The following PAPLN variants were observed in gnomAD, a reference collection of about 807,000 sequenced individuals.
PAPLN encodes the protein papilin, proteoglycan like sulfated glycoprotein.
In PAPLN, 146 loss-of-function variants were observed where a neutral mutation model predicts 159.0. The ratio of observed to expected loss-of-function variants is 0.92; its 90% CI spans 0.80 to 1.05. The LOEUF (loss-of-function observed/expected upper bound fraction) is 1.05. PAPLN is among the 50% of genes least tolerant of loss of function. PAPLN has a pLI of 0.00. For missense variants in PAPLN, 1,720 were observed against 1,743.9 expected (o/e 0.99, Z 0.24); for synonymous variants, 734 against 702.9 (o/e 1.04, Z -0.70).
At chr14:73,256,896 AT>A (rs1423453547) in intron 14 of PAPLN, among the ~76,000 whole-genome samples, 1 of 149,430 alleles carries the variant, frequency 6.7e-6, no homozygotes, top group African/African-American at 2.4e-5. Context: ...AAATAAAAAG[AT>A]TAAAAAAAAA....
At chr14:73,269,736 C>G (rs1045272693) in intron 26 of PAPLN, among the ~76,000 whole-genome samples, 1 of 152,168 alleles carries the variant, frequency 6.6e-6, no homozygotes, top group African/African-American at 2.4e-5. Context: ...TCTCACAGGC[C>G]TGATACAGAC....
intron 6 of PAPLN, 54 bp from the exon 7 acceptor site, chr14:73,250,853 G>C (rs964120394): frequency 1.9e-6 from 3 of 1,550,474 alleles, no homozygotes; most frequent in African/African-American, 2.7e-5. Context: ...CGGGGCCCAA[G>C]GCCTGATGTG....
In PAPLN at chr14:73,265,993, C is replaced by T. The variant is rs1020534097; in HGVS notation, c.3263+486C>T. 3.9e-5 allele frequency among the ~76,000 whole-genome samples: 6 copies of T among 152,166 alleles called. No homozygotes were observed. The South Asian group carries it at 6.2e-4, about 16-fold the overall frequency. ...TATAGCAAAAACTAGAAACCCAAAC[C>T]GAAATTTTGTATCAGAAAACTTGAA... On this transcript the variant is annotated intron_variant, in intron 23 of 26. Coordinates refer to ENST00000644200, the MANE Select transcript of PAPLN (RefSeq NM_001365906.3). The surrounding 1 kb of genome is among the most constrained non-coding windows in gnomAD (Gnocchi z 4.1).
intron 5 of PAPLN, among the ~76,000 whole-genome samples, chr14:73,249,036 C>T (rs1884928207): frequency 6.6e-6 from 1 of 151,800 alleles, no homozygotes. Flanking sequence ...GAGACTGAGG[C>T]TGGAGGACCA....
chr14:73,255,097 C>T (rs1393315673), intron 14 of PAPLN, 79 bp downstream of exon 14: 7 of 1,513,308 alleles, frequency 4.6e-6, no homozygotes, highest in Non-Finnish European at 6.2e-6. Context: ...CATGTCCTGC[C>T]TCGGGGCCTC....
At position 73,264,609 on chromosome 14, in the gene PAPLN, C is replaced by G; in HGVS notation, c.3008C>G (p.Ser1003Cys). The G allele has an allele frequency of 6.2e-7, 1 of 1,603,298 alleles. No homozygotes were observed. Among genetic ancestry groups the G allele is most frequent in the Non-Finnish European group, 8.5e-7 (1 of 1,177,318 alleles). Residue 1003 changes from serine (S) to cysteine (C), a missense_variant, in exon 22 of 27, where the codon TCT becomes TGT. Transcript: ENST00000644200. ...RIIGGDMAVL[S>C]EAELSRFPQP... ...ACAGGGGGTGACATGGCCGTGCTGTCTGAGGCTGAGCTGAGCCGCTTCCCT... is the reference window on the plus strand; with the variant it reads ...ACAGGGGGTGACATGGCCGTGCTGTGTGAGGCTGAGCTGAGCCGCTTCCCT...
intron 14 of PAPLN, among the ~76,000 whole-genome samples, chr14:73,257,921 G>A (rs962138526): frequency 2.0e-5 from 3 of 151,862 alleles, no homozygotes; most frequent in Non-Finnish European, 2.9e-5. Flanking sequence ...GTGCTACTGC[G>A]CCCAGCTAAT....
intron 26 of PAPLN, 23 bp from the exon 27 acceptor site, chr14:73,272,470 TTC>T: frequency 6.7e-7 from 1 of 1,489,826 alleles, no homozygotes. Context: ...CCTCACCACC[TTC>T]TCTCTCCCCT....
chr14:73,268,764 C>G lies in PAPLN; in HGVS notation c.3667+41C>G, dbSNP rs1182731093. On this transcript the variant is annotated intron_variant, in intron 26 of 26. Transcript: ENST00000644200. Reference sequence around the variant, plus strand: ...ATCCGGGGATGGGAAGGACATTCCCCAGTAGATTTACTGGTTCTCAAGGGC... The same window carrying G: ...ATCCGGGGATGGGAAGGACATTCCCGAGTAGATTTACTGGTTCTCAAGGGC... The G allele has an allele frequency of 1.9e-6, 3 of 1,544,822 alleles. No homozygotes were observed. In the Admixed American group the frequency reaches 5.7e-5, roughly 30 times the overall value.
chr14:73,253,689 AC>A, intron 11 of PAPLN, 64 bp from the exon 12 acceptor site: 1 of 1,451,102 alleles, frequency 6.9e-7, no homozygotes, highest in Non-Finnish European at 9.3e-7. Context: ...GAGGGCAGAA[AC>A]CCTCAGGGCT....
chr14:73,252,671 C>T lies in PAPLN; in HGVS notation c.990C>T (p.Phe330=), dbSNP rs1181228770. 1.2e-6 allele frequency: 2 copies of T among 1,613,174 alleles called. No individual in the cohort carries two copies. Among genetic ancestry groups the T allele is most frequent in the African/African-American group, 2.7e-5 (2 of 74,928 alleles). The part of the protein sequence containing the change: ...CGGGHQSRLV[F]CTIDHEAYPD... ...CAGGTCACCAGTCCCGCCTGGTGTT[C>T]TGCACCATCGACCATGAGGCCTACC... The change falls in exon 11 of 27, where the codon TTC becomes TTT. Residue 330 remains phenylalanine, a synonymous_variant. Transcript: ENST00000644200.
At chr14:73,266,456 G>T in intron 23 of PAPLN, 45 bp from the exon 24 acceptor site, 1 of 1,606,376 alleles carries the variant, frequency 6.2e-7, no homozygotes, top group South Asian at 1.1e-5. Context: ...GGAGGAGAGG[G>T]GAGGCTCCTT....
intron 7 of PAPLN, 87 bp from the exon 8 acceptor site, chr14:73,251,399 T>C: frequency 6.6e-6 from 9 of 1,358,756 alleles, no homozygotes; most frequent in Non-Finnish European, 9.2e-6. Flanking sequence ...GCCCCCATTC[T>C]GTGCTGTGTG....
intron 26 of PAPLN, among the ~76,000 whole-genome samples, chr14:73,271,071 GGCTTAAGCAACTTGCCCAGA>G (rs896255712): frequency 1.3e-5 from 2 of 152,062 alleles, no homozygotes; most frequent in African/African-American, 4.8e-5. Flanking sequence ...GTGCATAAAG[GGCTTAAGCAACTTGCCCAGA>G]GTTACCCAGC....
chr14:73,263,758 A>G lies in PAPLN; in HGVS notation c.2837A>G (p.Asp946Gly). 6.2e-7 allele frequency: 1 copy of G among 1,605,830 alleles called. No homozygotes were observed. Among genetic ancestry groups the G allele is most frequent in the Non-Finnish European group, 8.5e-7 (1 of 1,179,824 alleles). Residue 946 changes from aspartate to glycine, a missense_variant, in exon 20 of 27, where the codon GAT becomes GGT. Coordinates refer to ENST00000644200, the MANE Select transcript of PAPLN (RefSeq NM_001365906.3). ...APESQAAWQK[D>G]GQPISSDRHR... ...GAATCCCAGGCTGCCTGGCAGAAAG[A>G]TGGCCAGCCCATCTCCTCTGACAGG...
intron 25 of PAPLN, chr14:73,268,294 C>A: frequency 2.5e-6 from 1 of 405,014 alleles, no homozygotes; most frequent in Non-Finnish European, 4.4e-6. Flanking sequence ...TGCTATCTCA[C>A]AGGCACCCCA....
intron 20 of PAPLN, 82 bp downstream of exon 20, chr14:73,263,864 CACCTCCTCTGATAGGTGTGACAG>C: frequency 6.9e-7 from 1 of 1,457,112 alleles, no homozygotes; most frequent in Non-Finnish European, 9.3e-7. Flanking sequence ...ACAGCTCCCC[CACCTCCTCTGATAGGTGTGACAG>C]ACCCCCTCCT....
At position 73,252,706 on chromosome 14, in the gene PAPLN, T is replaced by C. The variant is rs1027993194; in HGVS notation, c.1025T>C (p.Met342Thr). The C allele has an allele frequency of 1.2e-6, 2 of 1,613,502 alleles. No homozygotes were observed. Among genetic ancestry groups the C allele is most frequent in the Non-Finnish European group, 1.7e-6 (2 of 1,180,000 alleles). ...GACCATGAGGCCTACCCCGACCACA[T>C]GTGCCAGCGCCAGCCACGGCCAGCT... ...TIDHEAYPDH[M>T]CQRQPRPADR... is the part of the protein sequence containing the mutation. Residue 342 changes from methionine (M) to threonine (T), a missense_variant, in exon 11 of 27, where the codon ATG becomes ACG. Transcript: ENST00000644200.
chr14:73,250,882 C>T (rs375882003), intron 6 of PAPLN, 25 bp from the exon 7 acceptor site: 8 of 1,596,066 alleles, frequency 5.0e-6, no homozygotes, highest in Non-Finnish European at 8.5e-7. Flanking sequence ...GCCGTCTCCC[C>T]TGCCTCCCGC....
Sources: gnomAD v4.1 joint callset for allele counts (sites outside exome capture counted in the v4.1 genomes callset) on GRCh38, gnomAD v4.1.1 for gene constraint, Gnocchi (gnomAD v3.1) non-coding constraint, MANE v1.5 for transcripts, NCBI Gene and HGNC (gene_info 2026-07-23, HGNC 2026-07-21) for gene names.